PDE4B: variants seen among roughly 807,000 people sequenced by gnomAD.
The protein encoded by PDE4B is 3',5'-cyclic-AMP phosphodiesterase 4B.
A neutral mutation model predicts 82.2 loss-of-function variants in PDE4B; 20 were observed. The ratio of observed to expected loss-of-function variants is 0.24; its 90% CI spans 0.17 to 0.35. PDE4B has a LOEUF of 0.35. Ranked by LOEUF, PDE4B falls within the 10% of genes least tolerant of loss-of-function variation. The probability of loss-of-function intolerance (pLI) is 1.00; values close to 1 mark genes in which losing one functional copy is unlikely to be tolerated. For synonymous variants in PDE4B, 320 were observed against 318.9 expected (o/e 1.00, Z -0.04); for missense variants, 655 against 907.2 (o/e 0.72, Z 3.57).
chr1:66,361,780 A>C lies in PDE4B; in HGVS notation c.1007A>C (p.Asp336Ala). The change falls in exon 10 of 17, where the codon GAT (aspartate) becomes GCT (alanine). Residue 336 changes from aspartate to alanine, a missense_variant. Transcript: ENST00000341517. ...SRFGVNTENEDHLAKELEDLN... is the reference protein window; with the variant it reads ...SRFGVNTENEAHLAKELEDLN... ...TTTGGAGTCAACACTGAAAATGAAG[A>C]TCACCTGGCCAAGGTGTGTATAAGC... The C allele has an allele frequency of 6.2e-7, 1 of 1,611,534 alleles. No homozygotes were observed. The highest frequency in any genetic ancestry group is 8.5e-7 in the Non-Finnish European group (1 of 1,178,512).
intron 1 of PDE4B, among the ~76,000 whole-genome samples, chr1:65,894,163 A>G (rs931154788): frequency 2.0e-5 from 3 of 152,102 alleles, no homozygotes; most frequent in Non-Finnish European, 4.4e-5. Flanking sequence ...AAAAGAAAAA[A>G]ACAGAGTTAG....
intron 1 of PDE4B, among the ~76,000 whole-genome samples, chr1:65,861,224 A>G (rs1035912062): frequency 1.3e-5 from 2 of 152,114 alleles, no homozygotes; most frequent in African/African-American, 4.8e-5. Context: ...TAATTTTTGT[A>G]TGAGGTATAA....
At chr1:66,337,398 G>A (rs1212033222) in intron 8 of PDE4B, among the ~76,000 whole-genome samples, 1 of 152,144 alleles carries the variant, frequency 6.6e-6, no homozygotes, top group Non-Finnish European at 1.5e-5. Flanking sequence ...CCCACTTCCC[G>A]GCCACACAAG....
chr1:66,062,116 G>A (rs1351420390), intron 3 of PDE4B, among the ~76,000 whole-genome samples: 3 of 152,042 alleles, frequency 2.0e-5, no homozygotes, highest in Non-Finnish European at 4.4e-5. Context: ...AGCCATCTTA[G>A]CATTTAAACA....
intron 3 of PDE4B, among the ~76,000 whole-genome samples, chr1:65,942,047 T>C (rs1648475271): frequency 6.6e-6 from 1 of 152,138 alleles, no homozygotes; most frequent in Admixed American, 6.5e-5. Context: ...CAAAGCTGTG[T>C]AATGGCTTCT....
chr1:65,916,826 AG>A (rs1647166970), intron 2 of PDE4B, among the ~76,000 whole-genome samples: 1 of 152,158 alleles, frequency 6.6e-6, no homozygotes, highest in Admixed American at 6.5e-5. Flanking sequence ...TATAATAACT[AG>A]TTACTAGACA....
intron 3 of PDE4B, among the ~76,000 whole-genome samples, chr1:66,078,229 C>T (rs975045990): frequency 6.7e-5 from 10 of 150,316 alleles, no homozygotes; most frequent in Non-Finnish European, 1.5e-4. Flanking sequence ...TGGAGTCTTG[C>T]TCTGCTACCC....
intron 3 of PDE4B, among the ~76,000 whole-genome samples, chr1:65,961,733 G>C (rs558222515): frequency 3.9e-5 from 6 of 152,142 alleles, no homozygotes; most frequent in Admixed American, 1.3e-4. Context: ...GAGGGCTTAT[G>C]AAAGGTACCT....
chr1:65,987,861 G>A (rs780668008), intron 3 of PDE4B, among the ~76,000 whole-genome samples: 10 of 152,162 alleles, frequency 6.6e-5, no homozygotes, highest in African/African-American at 1.4e-4. Flanking sequence ...TGATCCGCCC[G>A]CATTGGCCTC....
At chr1:66,312,935 G>T (rs551800481) in intron 7 of PDE4B, among the ~76,000 whole-genome samples, 2 of 152,278 alleles carry the variant, frequency 1.3e-5, no homozygotes, top group South Asian at 2.1e-4. Flanking sequence ...TGTGTCTTTG[G>T]TTCTGACTGT....
chr1:66,141,349 TATATATATA>T (rs1317884250), intron 3 of PDE4B, among the ~76,000 whole-genome samples: 18 of 143,480 alleles, frequency 1.3e-4, no homozygotes, highest in African/African-American at 4.6e-4. Context: ...TATATATATA[TATATATATA>T]TATATATATG....
chr1:65,834,362 A>T (rs1646117042), intron 1 of PDE4B, among the ~76,000 whole-genome samples: 1 of 152,252 alleles, frequency 6.6e-6, no homozygotes, highest in East Asian at 1.9e-4. Context: ...AACATTTGGG[A>T]TATGATGTTG....
At chr1:66,345,926 T>C (rs565822204) in intron 8 of PDE4B, among the ~76,000 whole-genome samples, 2 of 152,160 alleles carry the variant, frequency 1.3e-5, no homozygotes, top group Non-Finnish European at 2.9e-5. Flanking sequence ...TGAGCAGAAA[T>C]GTGAAGCATG....
intron 3 of PDE4B, among the ~76,000 whole-genome samples, chr1:66,148,423 G>A (rs1350032562): frequency 1.3e-5 from 2 of 151,958 alleles, no homozygotes; most frequent in Non-Finnish European, 2.9e-5. Context: ...TTTCTATGCC[G>A]ATTCTATTTC....
At chr1:65,861,329 G>A (rs1348917150) in intron 1 of PDE4B, among the ~76,000 whole-genome samples, 1 of 151,966 alleles carries the variant, frequency 6.6e-6, no homozygotes, top group Non-Finnish European at 1.5e-5. Flanking sequence ...GCTTGTTTTT[G>A]CCAGGTTTGT....
intron 3 of PDE4B, among the ~76,000 whole-genome samples, chr1:66,225,035 C>T (rs983762791): frequency 5.3e-5 from 8 of 152,232 alleles, no homozygotes; most frequent in African/African-American, 1.7e-4. Context: ...AGCATTTCCA[C>T]TGTACTCTGG....
chr1:66,270,547 A>C (rs1557670531), intron 7 of PDE4B, among the ~76,000 whole-genome samples: 1 of 152,204 alleles, frequency 6.6e-6, no homozygotes, highest in Admixed American at 6.5e-5. Flanking sequence ...CAGGGTCTAT[A>C]TGTGCATGGG....
intron 7 of PDE4B, among the ~76,000 whole-genome samples, chr1:66,276,022 G>A (rs1396863510): frequency 6.6e-6 from 1 of 152,116 alleles, no homozygotes; most frequent in African/African-American, 2.4e-5. Flanking sequence ...GTCAGATAAT[G>A]CTATTTTCTC....
At chr1:65,805,798 T>A (rs1346125622) in intron 1 of PDE4B, among the ~76,000 whole-genome samples, 1 of 152,250 alleles carries the variant, frequency 6.6e-6, no homozygotes, top group African/African-American at 2.4e-5. Context: ...GTCTGTTGGC[T>A]GTCATTTTAG....
Sources: allele counts gnomAD v4.1 joint callset (sites outside exome capture counted in the v4.1 genomes callset), GRCh38; gene constraint gnomAD v4.1.1; transcripts MANE v1.5; gene names NCBI Gene and HGNC (gene_info 2026-07-23, HGNC 2026-07-21).